TAFA1: variants seen among roughly 807,000 people sequenced by gnomAD.
The protein encoded by TAFA1 is TAFA chemokine like family member 1, also known as chemokine-like protein TAFA-1.
A neutral mutation model predicts 18.5 loss-of-function variants in TAFA1; 4 were observed. The ratio of observed to expected loss-of-function variants is 0.22; its 90% CI spans 0.11 to 0.49. The LOEUF (loss-of-function observed/expected upper bound fraction) is 0.49, where lower values mean the gene tolerates loss of function less well. TAFA1 is among the 20% of genes least tolerant of loss of function. TAFA1 has a pLI of 0.98. For missense variants in TAFA1, 147 were observed against 169.0 expected (o/e 0.87, Z 0.72); for synonymous variants, 56 against 55.2 (o/e 1.01, Z -0.06).
At chr3:68,365,862 C>T (rs948073723) in intron 2 of TAFA1, among the ~76,000 whole-genome samples, 1 of 151,994 alleles carries the variant, frequency 6.6e-6, no homozygotes, top group Non-Finnish European at 1.5e-5. Flanking sequence ...CCAAGGCGGG[C>T]GGATCACAAG....
At chr3:68,372,318 T>C (rs2069723253) in intron 2 of TAFA1, among the ~76,000 whole-genome samples, 1 of 152,152 alleles carries the variant, frequency 6.6e-6, no homozygotes, top group African/African-American at 2.4e-5. Flanking sequence ...CTCTGGCCCC[T>C]GATGGCAGTA....
intron 2 of TAFA1, among the ~76,000 whole-genome samples, chr3:68,105,413 A>G (rs993399786): frequency 6.6e-6 from 1 of 152,176 alleles, no homozygotes; most frequent in Non-Finnish European, 1.5e-5. Flanking sequence ...AGTTAAACAA[A>G]CATGTTTTAT....
intron 2 of TAFA1, among the ~76,000 whole-genome samples, chr3:68,233,069 A>C (rs74444041): frequency 0.014 from 2,162 of 152,122 alleles, 46 homozygotes; most frequent in East Asian, 0.094. Flanking sequence ...GATGATATCT[A>C]ATTGTGGTTT....
intron 2 of TAFA1, among the ~76,000 whole-genome samples, chr3:68,357,071 T>C (rs1266671679): frequency 1.3e-5 from 2 of 151,912 alleles, no homozygotes; most frequent in Non-Finnish European, 2.9e-5. Flanking sequence ...ATGCCATGTA[T>C]GTGTTTTCTC....
At chr3:68,445,156 A>C (rs1309421873) in intron 3 of TAFA1, among the ~76,000 whole-genome samples, 1 of 152,104 alleles carries the variant, frequency 6.6e-6, no homozygotes, top group Admixed American at 6.6e-5. Flanking sequence ...TAAACTTTGC[A>C]TTTTGAGCAT....
chr3:68,430,704 C>G (rs1189324534), intron 3 of TAFA1, among the ~76,000 whole-genome samples: 3 of 151,884 alleles, frequency 2.0e-5, no homozygotes, highest in African/African-American at 4.8e-5. Context: ...TTTGATACTA[C>G]CAGCCTCCAC....
chr3:68,384,435 T>C (rs1392940671), intron 2 of TAFA1, among the ~76,000 whole-genome samples: 1 of 152,138 alleles, frequency 6.6e-6, no homozygotes, highest in Non-Finnish European at 1.5e-5. Flanking sequence ...CCGAAAGCCA[T>C]TCAGAGCAGG....
intron 3 of TAFA1, among the ~76,000 whole-genome samples, chr3:68,428,729 G>A (rs2071106075): frequency 6.6e-6 from 1 of 151,854 alleles, no homozygotes; most frequent in Non-Finnish European, 1.5e-5. Flanking sequence ...AAAATTTATT[G>A]GACTATCAAT....
At chr3:68,283,948 C>T (rs970422807) in intron 2 of TAFA1, among the ~76,000 whole-genome samples, 2 of 152,180 alleles carry the variant, frequency 1.3e-5, no homozygotes, top group African/African-American at 4.8e-5. Flanking sequence ...TAAAAGGATA[C>T]ATCAACTTTA....
intron 2 of TAFA1, among the ~76,000 whole-genome samples, chr3:68,048,461 A>G (rs149827368): frequency 6.6e-6 from 1 of 152,164 alleles, no homozygotes; most frequent in African/African-American, 2.4e-5. Context: ...AAATAATCCA[A>G]TTATACCCTT....
intron 3 of TAFA1, among the ~76,000 whole-genome samples, chr3:68,485,881 T>A (rs554188973): frequency 1.3e-5 from 2 of 152,188 alleles, no homozygotes; most frequent in South Asian, 2.1e-4. Context: ...TTTTAAACAT[T>A]TAATCTGTAA....
intron 2 of TAFA1, among the ~76,000 whole-genome samples, chr3:68,297,487 C>T (rs558603325): frequency 7.2e-5 from 11 of 152,268 alleles, no homozygotes; most frequent in African/African-American, 2.4e-4. Flanking sequence ...GATTCTGACT[C>T]CACAGATCTA....
At chr3:68,232,151 A>G (rs2107117895) in intron 2 of TAFA1, among the ~76,000 whole-genome samples, 1 of 152,344 alleles carries the variant, frequency 6.6e-6, no homozygotes, top group South Asian at 2.1e-4. Context: ...ACTATAGGAC[A>G]CTGAACTTAT....
At chr3:68,018,667 C>T (rs894989599) in intron 2 of TAFA1, among the ~76,000 whole-genome samples, 2 of 152,072 alleles carry the variant, frequency 1.3e-5, no homozygotes, top group African/African-American at 4.8e-5. Context: ...CAGTGAGGGC[C>T]AAATAAATAC....
chr3:68,075,207 A>G (rs1403585205), intron 2 of TAFA1, among the ~76,000 whole-genome samples: 2 of 152,202 alleles, frequency 1.3e-5, no homozygotes, highest in Non-Finnish European at 2.9e-5. Context: ...CCTTCTGTAT[A>G]GATATACTAT....
chr3:68,203,892 T>C (rs2066495616), intron 2 of TAFA1, among the ~76,000 whole-genome samples: 1 of 151,654 alleles, frequency 6.6e-6, no homozygotes, highest in Non-Finnish European at 1.5e-5. Context: ...ATTTCTCCAA[T>C]ATTCACTGTG....
At chr3:68,315,869 T>C (rs79507904) in intron 2 of TAFA1, among the ~76,000 whole-genome samples, 2 of 152,314 alleles carry the variant, frequency 1.3e-5, no homozygotes, top group East Asian at 3.9e-4. Flanking sequence ...GAACTGATAA[T>C]GTGGTTGACA....
chr3:68,238,168 C>A (rs914978419), intron 2 of TAFA1, among the ~76,000 whole-genome samples: 4 of 152,046 alleles, frequency 2.6e-5, no homozygotes, highest in Non-Finnish European at 5.9e-5. Context: ...TAGTTCACAC[C>A]CGTTGAGACA....
intron 2 of TAFA1, among the ~76,000 whole-genome samples, chr3:68,281,313 C>T (rs2067893657): frequency 6.6e-6 from 1 of 151,842 alleles, no homozygotes; most frequent in African/African-American, 2.4e-5. Flanking sequence ...AAATACTATA[C>T]CATGTTTTTT....
Sources: allele counts gnomAD v4.1 joint callset (sites outside exome capture counted in the v4.1 genomes callset), GRCh38; gene constraint gnomAD v4.1.1; transcripts MANE v1.5; gene names NCBI Gene and HGNC (gene_info 2026-07-23, HGNC 2026-07-21).